Variants in PTMA observed in about 807,000 individuals in gnomAD.
PTMA encodes the protein prothymosin alpha.
A neutral mutation model predicts 16.9 loss-of-function variants in PTMA; 4 were observed. The ratio of observed to expected loss-of-function variants is 0.24; its 90% CI spans 0.12 to 0.54. The LOEUF is 0.54. Among genes scored for constraint, PTMA ranks in the 20% least tolerant of loss-of-function variants. The pLI is 0.95. For synonymous variants in PTMA, 58 were observed against 47.9 expected (o/e 1.21, Z -0.87); for missense variants, 120 against 137.7 (o/e 0.87, Z 0.64).
intron 3 of PTMA, 137 bp downstream of exon 3, chr2:231,712,120 C>T: frequency 6.9e-7 from 1 of 1,459,490 alleles, no homozygotes; most frequent in Non-Finnish European, 9.2e-7. Context: ...GCCCTGGGCA[C>T]CCACCTGTAG....
chr2:231,712,210 G>T (rs1379505258), intron 3 of PTMA, among the ~76,000 whole-genome samples: 1 of 152,206 alleles, frequency 6.6e-6, no homozygotes, highest in Non-Finnish European at 1.5e-5. Flanking sequence ...TTTCTTTCGT[G>T]CAGCTCTGAA....
At chr2:231,711,200 C>T in intron 1 of PTMA, 148 bp from the exon 2 acceptor site, 1 of 652,502 alleles carries the variant, frequency 1.5e-6, no homozygotes, top group Non-Finnish European at 2.7e-6. Context: ...GGGAGAGGGA[C>T]CGCAGGGGCA....
intron 1 of PTMA, 32 bp from the exon 2 acceptor site, chr2:231,711,316 A>C (rs771567052): frequency 1.9e-6 from 3 of 1,590,882 alleles, no homozygotes; most frequent in East Asian, 2.2e-5. Flanking sequence ...CAGAAGACTT[A>C]CTGGTTACTG....
intron 1 of PTMA, among the ~76,000 whole-genome samples, 153 bp downstream of exon 1, chr2:231,708,904 C>G (rs1188821104): frequency 1.3e-5 from 2 of 152,190 alleles, no homozygotes; most frequent in Admixed American, 6.5e-5. Context: ...GCAGCCCACT[C>G]TTTGTGTGGT....
rs1464556769 is a variant in PTMA at position 231,712,947 on chromosome 2, C to T, written c.*96C>T. 18 of 1,368,252 alleles carry T rather than the reference C, an allele frequency of 1.3e-5. No individual in the cohort carries two copies. The highest frequency in any genetic ancestry group is 7.4e-5 in the African/African-American group (5 of 67,712). The allele number at this position is 1,368,252 out of a possible 1,614,324, so 84.8% of individuals were successfully genotyped here. A position where few individuals can be genotyped will look rare whatever the true frequency, so the allele number is the denominator to read the frequency against. On this transcript the variant is annotated 3_prime_UTR_variant, in exon 5 of 5. Coordinates refer to ENST00000409115, the MANE Select transcript of PTMA (RefSeq NM_002823.5). The stretch of plus-strand genomic sequence containing the variant: ...CTCAGAATCTAAACGTGGTCACCTT[C>T]GAGTAGAGAGGCCCGCCCGCCCACC...
chr2:231,710,164 G>T, intron 1 of PTMA: 1 of 1,279,906 alleles, frequency 7.8e-7, no homozygotes, highest in Admixed American at 3.8e-5. Context: ...CCTCCCGTGG[G>T]ACTTGGCCCG....
At chr2:231,711,844 G>T in intron 2 of PTMA, 46 bp from the exon 3 acceptor site, 1 of 1,609,596 alleles carries the variant, frequency 6.2e-7, no homozygotes, top group Non-Finnish European at 8.5e-7. Flanking sequence ...GCTCTGTCCA[G>T]CCTGGGGCCA....
At chr2:231,711,834 G>C in intron 2 of PTMA, 56 bp from the exon 3 acceptor site, 1 of 1,599,220 alleles carries the variant, frequency 6.3e-7, no homozygotes, top group Non-Finnish European at 8.5e-7. Flanking sequence ...CAGGAGCAAC[G>C]CTCTGTCCAG....
chr2:231,709,285 C>T (rs920724462), intron 1 of PTMA, among the ~76,000 whole-genome samples: 9 of 152,170 alleles, frequency 5.9e-5, no homozygotes, highest in East Asian at 1.9e-4. Flanking sequence ...GACTAAGTCC[C>T]GATAAGGCGG....
intron 1 of PTMA, among the ~76,000 whole-genome samples, chr2:231,709,052 C>T (rs1478508090): frequency 6.6e-6 from 1 of 152,120 alleles, no homozygotes; most frequent in Non-Finnish European, 1.5e-5. Context: ...GTATGAGTGG[C>T]GGCGGGAGGA....
At position 231,708,552 on chromosome 2, in the gene PTMA, C is replaced by A; in HGVS notation, c.-155C>A. On this transcript the variant is annotated 5_prime_UTR_variant, in exon 1 of 5. Transcript: ENST00000409115. ...CCCACTGGCTGCTCTGAAAAGCCAT[C>A]TTTGCATTGTTCCTCATCCGCCTCC... The A allele has an allele frequency of 1.2e-6, 1 of 856,994 alleles. No homozygotes were observed. Among genetic ancestry groups the A allele is most frequent in the South Asian group, 1.4e-5 (1 of 72,330 alleles). The allele number at this position is 856,994 out of a possible 1,614,324, so 53.1% of individuals were successfully genotyped here. A position where few individuals can be genotyped will look rare whatever the true frequency, so the allele number is the denominator to read the frequency against.
At chr2:231,708,819 G>A in intron 1 of PTMA, 68 bp downstream of exon 1, 2 of 1,547,302 alleles carry the variant, frequency 1.3e-6, no homozygotes, top group Non-Finnish European at 1.8e-6. Context: ...TTGGCGCGCA[G>A]CAGCTGGACT....
rs775557451 is a variant in PTMA, at chr2:231,712,836, C to T, written c.318C>T (p.Thr106=). ...DDDVDTKKQK[T]DEDD ...ATGTCGATACCAAGAAGCAGAAGAC[C>T]GACGAGGATGACTAGACAGCAAAAA... is the stretch of plus-strand genomic sequence containing the variant. Residue 106 remains threonine, a synonymous_variant, in exon 5 of 5, where the codon ACC becomes ACT. Coordinates refer to ENST00000409115, the MANE Select transcript of PTMA (RefSeq NM_002823.5). The T allele has an allele frequency of 9.5e-6, 15 of 1,584,730 alleles. No homozygotes were observed. Among genetic ancestry groups the T allele is most frequent in the East Asian group, 4.6e-5 (2 of 43,716 alleles).
At chr2:231,711,152 C>T (rs1224108786) in intron 1 of PTMA, 196 bp from the exon 2 acceptor site, 1 of 514,074 alleles carries the variant, frequency 1.9e-6, no homozygotes, top group Non-Finnish European at 3.5e-6. Flanking sequence ...ACCTTGATCA[C>T]AGATGCCCCC....
chr2:231,709,626 A>T (rs1438743477), intron 1 of PTMA, among the ~76,000 whole-genome samples: 1 of 152,100 alleles, frequency 6.6e-6, no homozygotes, highest in Admixed American at 6.5e-5. Context: ...GTAGGGTCGA[A>T]CTGGGGGGGC....
At chr2:231,711,661 T>G in intron 2 of PTMA, 1 of 818,334 alleles carries the variant, frequency 1.2e-6, no homozygotes. Context: ...AGTCTGAGTT[T>G]GGGCTTGGCC....
Position 231,712,564 on chromosome 2 carries a change from C to T in PTMA, c.285+48C>T, listed in dbSNP as rs368104754. 7.6e-6 allele frequency: 12 copies of T among 1,588,124 alleles called. No homozygotes were observed. In the African/African-American group the frequency reaches 8.1e-5, roughly 11 times the overall value. Reference sequence around the variant, plus strand: ...GGGGGGTTTGGCATCTGGGTCTCCCCACCTGCCTTTAGCTGAGGTGCTCAA... The same window carrying T: ...GGGGGGTTTGGCATCTGGGTCTCCCTACCTGCCTTTAGCTGAGGTGCTCAA... On this transcript the variant is annotated intron_variant, in intron 4 of 4. Transcript: ENST00000409115.
At chr2:231,711,155 A>C in intron 1 of PTMA, 193 bp from the exon 2 acceptor site, 1 of 519,336 alleles carries the variant, frequency 1.9e-6, no homozygotes, top group Non-Finnish European at 3.5e-6. Flanking sequence ...TTGATCACAG[A>C]TGCCCCCCGC....
At chr2:231,710,088 G>C (rs562594795) in intron 1 of PTMA, 4 of 1,236,956 alleles carry the variant, frequency 3.2e-6, no homozygotes, top group African/African-American at 1.6e-5. Flanking sequence ...AGGGCGATGA[G>C]TAGTAGCCCG....
Sources: gnomAD v4.1 joint callset for allele counts (sites outside exome capture counted in the v4.1 genomes callset) on GRCh38, gnomAD v4.1.1 for gene constraint, MANE v1.5 for transcripts, NCBI Gene and HGNC (gene_info 2026-07-23, HGNC 2026-07-21) for gene names.